The following ABCG8 variants were observed in gnomAD, a reference collection of about 807,000 sequenced individuals.
The protein encoded by ABCG8 is ATP-binding cassette sub-family G member 8.
In ABCG8, 81 loss-of-function variants were observed where a neutral mutation model predicts 71.3. The observed-to-expected ratio is 1.14, with a 90% CI of 0.95 to 1.37. The LOEUF (loss-of-function observed/expected upper bound fraction) is 1.37, where lower values mean the gene tolerates loss of function less well. Among genes scored for constraint, ABCG8 ranks in the 40% most tolerant of loss-of-function variants. ABCG8 has a pLI of 0.00. For synonymous variants in ABCG8, 451 were observed against 354.7 expected, an observed-to-expected ratio of 1.27 and a Z score of -3.05; for missense variants, 1,119 against 866.2, an observed-to-expected ratio of 1.29 and a Z score of -3.66.
At chr2:43,846,540 G>C in intron 3 of ABCG8, 1 of 571,032 alleles carries the variant, frequency 1.8e-6, no homozygotes, top group Admixed American at 2.6e-5. Flanking sequence ...TGCGCCTCTT[G>C]TCCACCCGAG....
intron 6 of ABCG8, among the ~76,000 whole-genome samples, chr2:43,871,089 T>A (rs1669750329): frequency 6.6e-6 from 1 of 152,018 alleles, no homozygotes; most frequent in Non-Finnish European, 1.5e-5. Context: ...TCTGTCTGGA[T>A]AGAATTCTCA....
chr2:43,851,540 C>T (rs776640291), intron 3 of ABCG8, 44 bp from the exon 4 acceptor site: 1 of 1,609,406 alleles, frequency 6.2e-7, no homozygotes, highest in South Asian at 1.1e-5. Flanking sequence ...AGCCTGGCCC[C>T]CACAGAAGCT....
chr2:43,866,335 A>T (rs549400047), intron 6 of ABCG8, among the ~76,000 whole-genome samples: 1 of 152,116 alleles, frequency 6.6e-6, no homozygotes, highest in East Asian at 1.9e-4. Context: ...AAAAGCCAAA[A>T]TTGACAAATG....
chr2:43,850,788 A>C (rs1668888400), intron 3 of ABCG8, among the ~76,000 whole-genome samples: 1 of 152,172 alleles, frequency 6.6e-6, no homozygotes, highest in African/African-American at 2.4e-5. Context: ...TAGCGCCTGT[A>C]ATCCCAGCTA....
At position 43,873,815 on chromosome 2, in the gene ABCG8, C is replaced by T; in HGVS notation, c.1240C>T (p.Leu414=). The part of the protein sequence containing the change: ...RRQISNDFRD[L]PTLLIHGAEA... ...TCAGATTTCCAACGACTTCCGAGAC[C>T]TGCCCACCCTCCTCATCCATGGGGC... is the stretch of plus-strand genomic sequence containing the variant. The change falls in exon 9 of 13, where the codon CTG becomes TTG. Residue 414 remains leucine, a synonymous_variant. Transcript: ENST00000272286. The T allele has an allele frequency of 1.2e-6, 2 of 1,614,202 alleles. No individual in the cohort carries two copies. Among genetic ancestry groups the T allele is most frequent in the African/African-American group, 1.3e-5 (1 of 75,040 alleles).
In ABCG8 at chr2:43,882,480, A is replaced by T. The variant is rs1029862600; in HGVS notation, c.*4567A>T. 1 of 152,238 alleles carries T rather than the reference A, an allele frequency of 6.6e-6. No homozygotes were observed. The highest frequency in any genetic ancestry group is 6.5e-5 in the Admixed American group (1 of 15,292). The allele number at this position is 152,238 out of a possible 1,614,324, so 9.4% of individuals were successfully genotyped here. A position where few individuals can be genotyped will look rare whatever the true frequency, so the allele number is the denominator to read the frequency against. On this transcript the variant is annotated 3_prime_UTR_variant, in exon 13 of 13. Coordinates refer to ENST00000272286, the MANE Select transcript of ABCG8 (RefSeq NM_022437.3). ...AACTGGAATGCGGGGAAAGTGATGA[A>T]ATATTTTGTTGGTTGGCCTTTGCTT...
intron 1 of ABCG8, among the ~76,000 whole-genome samples, chr2:43,839,378 C>A (rs1300691617): frequency 2.4e-5 from 3 of 126,486 alleles, no homozygotes; most frequent in Non-Finnish European, 5.2e-5. Context: ...GGGACAATTT[C>A]ACTTTTTCTT....
chr2:43,854,581 T>A (rs1468409820), intron 6 of ABCG8, among the ~76,000 whole-genome samples: 2 of 143,108 alleles, frequency 1.4e-5, no homozygotes, highest in African/African-American at 5.3e-5. Context: ...GAGCTGAGAT[T>A]GTGCCACTGC....
In ABCG8 at chr2:43,866,499, GA is replaced by G. The variant is rs1213496563; in HGVS notation, c.965-5470del. On this transcript the variant is annotated intron_variant, in intron 6 of 12. Transcript: ENST00000272286. ...ACAATGAAGTCAAACAAATTTACAA[GA>G]AAAAAACAAACAACCCCATCAAAAA... Among the ~76,000 whole-genome samples the G allele has an allele frequency of 2.6e-5, 4 of 151,678 alleles. No homozygotes were observed. The East Asian group carries it at 7.7e-4, about 29-fold the overall frequency.
At position 43,872,285 on chromosome 2, in the gene ABCG8, A is replaced by C. The variant is rs1450887357; in HGVS notation, c.1190A>C (p.Gln397Pro). ...PSPTKMPGAV[Q>P]QFTTLIRRQI... ...CCTACGAAGATGCCTGGGGCGGTGC[A>C]GCAGTTTACGACGCTGATCCGGTAA... The change falls in exon 8 of 13, where the codon CAG (glutamine) becomes CCG (proline). Residue 397 changes from glutamine to proline, a missense_variant. Coordinates refer to ENST00000272286, the MANE Select transcript of ABCG8 (RefSeq NM_022437.3). 1.2e-6 allele frequency: 2 copies of C among 1,613,950 alleles called. No individual in the cohort carries two copies. Among genetic ancestry groups the C allele is most frequent in the Admixed American group, 3.3e-5 (2 of 60,012 alleles).
At chr2:43,872,525 C>T (rs932693144) in intron 8 of ABCG8, among the ~76,000 whole-genome samples, 2 of 152,098 alleles carry the variant, frequency 1.3e-5, no homozygotes, top group South Asian at 2.1e-4. Flanking sequence ...AGTTCGAGAC[C>T]AGCCTGGGCA....
At chr2:43,862,478 T>C (rs115668039) in intron 6 of ABCG8, among the ~76,000 whole-genome samples, 7,786 of 145,404 alleles carry the variant, frequency 0.054, 246 homozygotes, top group Middle Eastern at 0.14. Flanking sequence ...CTGGATAGAA[T>C]TCTCGCTATC....
Position 43,877,977 on chromosome 2 carries a change from T to A in ABCG8, c.*64T>A. On this transcript the variant is annotated 3_prime_UTR_variant, in exon 13 of 13. Transcript: ENST00000272286. ...CAGACCCTTCAACTGCACTCCCTCC[T>A]CAGGAGCCCCTTCCTGGGGACAGTG... 27 of 1,608,812 alleles carry A rather than the reference T, an allele frequency of 1.7e-5. No individual in the cohort carries two copies. The highest frequency in any genetic ancestry group is 2.3e-5 in the Non-Finnish European group (27 of 1,176,404).
chr2:43,882,597 A>G lies in ABCG8; in HGVS notation c.*4684A>G, dbSNP rs1443506173. The stretch of plus-strand genomic sequence containing the variant: ...CACTAGATAATTCAGATTTCAAGTC[A>G]TCTGTCATTCGTACTTGATAATGAT... On this transcript the variant is annotated 3_prime_UTR_variant, in exon 13 of 13. Coordinates refer to ENST00000272286, the MANE Select transcript of ABCG8 (RefSeq NM_022437.3). 1 of 152,264 alleles carries G rather than the reference A, an allele frequency of 6.6e-6. No homozygotes were observed. Among genetic ancestry groups the G allele is most frequent in the Non-Finnish European group, 1.5e-5 (1 of 68,046 alleles). The allele number at this position is 152,264 out of a possible 1,614,324, so 9.4% of individuals were successfully genotyped here. A position where few individuals can be genotyped will look rare whatever the true frequency, so the allele number is the denominator to read the frequency against.
chr2:43,878,800 C>T lies in ABCG8; in HGVS notation c.*887C>T, dbSNP rs1193058414. The stretch of plus-strand genomic sequence containing the variant: ...CTCTGCGTCCTCACCCAAATCTCAC[C>T]TTGAATTGTAATAATCCCCAAGTGT... On this transcript the variant is annotated 3_prime_UTR_variant, in exon 13 of 13. Transcript: ENST00000272286. 6.6e-6 allele frequency: 1 copy of T among 152,252 alleles called. No homozygotes were observed. Among genetic ancestry groups the T allele is most frequent in the East Asian group, 1.9e-4 (1 of 5,198 alleles). The allele number at this position is 152,252 out of a possible 1,614,324, so 9.4% of individuals were successfully genotyped here.
At position 43,882,558 on chromosome 2, in the gene ABCG8, T is replaced by C. The variant is rs572442100; in HGVS notation, c.*4645T>C. ...CCTGAGAGACAACAGACATCCTTAT[T>C]TGTGAATAGTCTGCACTAGATAATT... is the stretch of plus-strand genomic sequence containing the variant. On this transcript the variant is annotated 3_prime_UTR_variant, in exon 13 of 13. Transcript: ENST00000272286. 14 of 152,352 alleles carry C rather than the reference T, an allele frequency of 9.2e-5. No homozygotes were observed. In the East Asian group the frequency reaches 2.3e-3, roughly 25 times the overall value. The allele number at this position is 152,352 out of a possible 1,614,324, so 9.4% of individuals were successfully genotyped here.
At chr2:43,855,313 A>G (rs1669065773) in intron 6 of ABCG8, among the ~76,000 whole-genome samples, 1 of 151,990 alleles carries the variant, frequency 6.6e-6, no homozygotes, top group South Asian at 2.1e-4. Flanking sequence ...TAGAATACTC[A>G]CTCTCTGGAT....
rs781076441 is a variant in ABCG8 at position 43,879,556 on chromosome 2, G to C, written c.*1643G>C. ...CTTGCAACACTCAGGATGCTTGCAC[G>C]GTCATGTTGCCACCATCCAACCTGC... On this transcript the variant is annotated 3_prime_UTR_variant, in exon 13 of 13. Transcript: ENST00000272286. 3.3e-5 allele frequency: 5 copies of C among 152,194 alleles called. No individual in the cohort carries two copies. Among genetic ancestry groups the C allele is most frequent in the Non-Finnish European group, 5.9e-5 (4 of 68,052 alleles). The allele number at this position is 152,194 out of a possible 1,614,324, so 9.4% of individuals were successfully genotyped here.
At chr2:43,872,343 C>G (rs1269251611) in intron 8 of ABCG8, 37 bp downstream of exon 8, 1 of 1,584,172 alleles carries the variant, frequency 6.3e-7, no homozygotes, top group Non-Finnish European at 8.6e-7. Flanking sequence ...ACCCGCCCCC[C>G]TGCCCAAGTC....
Sources: allele counts gnomAD v4.1 joint callset (sites outside exome capture counted in the v4.1 genomes callset), GRCh38; gene constraint gnomAD v4.1.1; transcripts MANE v1.5; gene names NCBI Gene and HGNC (gene_info 2026-07-23, HGNC 2026-07-21).